Variants in RFX3 observed in about 807,000 individuals in gnomAD.
The protein encoded by RFX3 is transcription factor RFX3.
Under a neutral mutation model 98.6 loss-of-function variants are expected in RFX3, and 14 were observed. That is an observed-to-expected ratio of 0.14 (90% CI 0.09 to 0.22). The LOEUF is 0.22. Ranked by LOEUF, RFX3 falls within the 10% of genes least tolerant of loss-of-function variation. RFX3 has a pLI of 1.00. For synonymous variants in RFX3, 383 were observed against 328.4 expected (o/e 1.17, Z -1.80); for missense variants, 639 against 926.9 (o/e 0.69, Z 4.03).
intron 1 of RFX3, among the ~76,000 whole-genome samples, chr9:3,401,002 A>G (rs1041513676): frequency 1.3e-5 from 2 of 152,240 alleles, no homozygotes; most frequent in African/African-American, 2.4e-5. Flanking sequence ...GGGCTTCCAA[A>G]GAAAAGCTAG....
In RFX3 at chr9:3,511,641, G is replaced by A. The variant is rs561957742; in HGVS notation, c.-9+14106C>T. On this transcript the variant is annotated intron_variant, in intron 1 of 16. Coordinates refer to ENST00000617270, the MANE Select transcript of RFX3 (RefSeq NM_001282116.2). The stretch of plus-strand genomic sequence containing the variant: ...CTCTTCCCTCATCAACTTACAAAAT[G>A]ACTCAACTGTTTACTCAAATATACC... Among the ~76,000 whole-genome samples the A allele has an allele frequency of 5.9e-5, 9 of 152,094 alleles. No individual in the cohort carries two copies. In the South Asian group the frequency reaches 1.9e-3, roughly 32 times the overall value.
At chr9:3,399,859 G>A (rs1841302676) in intron 1 of RFX3, among the ~76,000 whole-genome samples, 1 of 151,468 alleles carries the variant, frequency 6.6e-6, no homozygotes, top group Admixed American at 6.6e-5. Flanking sequence ...TGCAGCAGGA[G>A]AGTCACTTGA....
intron 3 of RFX3, among the ~76,000 whole-genome samples, chr9:3,343,562 C>T (rs1007661298): frequency 3.9e-5 from 6 of 151,944 alleles, no homozygotes; most frequent in Admixed American, 1.3e-4. Context: ...ACAGAAAGAC[C>T]AAAATAGCTT....
chr9:3,350,683 G>A (rs1400756828), intron 2 of RFX3, among the ~76,000 whole-genome samples: 3 of 152,048 alleles, frequency 2.0e-5, no homozygotes, highest in African/African-American at 2.4e-5. Flanking sequence ...GAAGGTGGAC[G>A]GAAGAATAAA....
Position 3,218,593 on chromosome 9 carries a change from C to T in RFX3, c.*6449G>A, listed in dbSNP as rs1384655452. On this transcript the variant is annotated 3_prime_UTR_variant, in exon 17 of 17. Coordinates refer to ENST00000617270, the MANE Select transcript of RFX3 (RefSeq NM_001282116.2). ...ATATACTAAAAGATTTAGCATTTCTCACAAAAATCACATCAGGAAATACGT... is the reference window on the plus strand; with the variant it reads ...ATATACTAAAAGATTTAGCATTTCTTACAAAAATCACATCAGGAAATACGT... The T allele has an allele frequency of 6.6e-6, 1 of 152,058 alleles. No individual in the cohort carries two copies. Among genetic ancestry groups the T allele is most frequent in the African/African-American group, 2.4e-5 (1 of 41,394 alleles). 9.4% of individuals were successfully genotyped at this position (152,058 alleles called of 1,614,324 possible).
chr9:3,412,920 C>T (rs1234651119), intron 1 of RFX3, among the ~76,000 whole-genome samples: 1 of 152,038 alleles, frequency 6.6e-6, no homozygotes, highest in Non-Finnish European at 1.5e-5. Flanking sequence ...GAATAAAAAT[C>T]AATAACTATA....
chr9:3,330,170 T>C (rs916296742), intron 4 of RFX3, 89 bp downstream of exon 4: 36 of 1,330,048 alleles, frequency 2.7e-5, no homozygotes, highest in Non-Finnish European at 3.7e-5. Flanking sequence ...CCCAGTCCCA[T>C]CTGTGTTGTT....
intron 1 of RFX3, among the ~76,000 whole-genome samples, chr9:3,473,971 C>T (rs975044556): frequency 2.6e-5 from 4 of 151,910 alleles, no homozygotes; most frequent in African/African-American, 9.7e-5. Flanking sequence ...AGCATGGAAG[C>T]CAAGCATAGA....
At chr9:3,353,829 G>A (rs1324583207) in intron 2 of RFX3, among the ~76,000 whole-genome samples, 1 of 152,010 alleles carries the variant, frequency 6.6e-6, no homozygotes, top group African/African-American at 2.4e-5. Context: ...AGTGTGACCT[G>A]TAATCAGGAG....
chr9:3,503,626 AAAT>A (rs966744910), intron 1 of RFX3, among the ~76,000 whole-genome samples: 1 of 152,132 alleles, frequency 6.6e-6, no homozygotes, highest in African/African-American at 2.4e-5. Context: ...CTATTTGTCA[AAAT>A]AATAGAATTC....
intron 14 of RFX3, among the ~76,000 whole-genome samples, chr9:3,254,659 T>A (rs748162643): frequency 6.6e-6 from 1 of 151,964 alleles, no homozygotes; most frequent in Non-Finnish European, 1.5e-5. Flanking sequence ...TACCTCAGCC[T>A]CCCGAGTAGC....
intron 1 of RFX3, among the ~76,000 whole-genome samples, chr9:3,429,717 C>T (rs1360523827): frequency 6.6e-6 from 1 of 152,176 alleles, no homozygotes; most frequent in African/African-American, 2.4e-5. Flanking sequence ...CTCAGTGGTA[C>T]TCTGGGTAGC....
chr9:3,329,948 T>C (rs1033030597), intron 4 of RFX3, among the ~76,000 whole-genome samples: 15 of 152,210 alleles, frequency 9.9e-5, no homozygotes, highest in Admixed American at 9.2e-4. Context: ...AAGTGAGTTC[T>C]TTCTATATAA....
At chr9:3,434,371 C>T (rs982744415) in intron 1 of RFX3, among the ~76,000 whole-genome samples, 3 of 152,028 alleles carry the variant, frequency 2.0e-5, no homozygotes, top group African/African-American at 4.8e-5. Flanking sequence ...TCACCTTATT[C>T]GCATGTAAGC....
chr9:3,488,369 G>A (rs1263931603), intron 1 of RFX3, among the ~76,000 whole-genome samples: 1 of 152,022 alleles, frequency 6.6e-6, no homozygotes, highest in Non-Finnish European at 1.5e-5. Context: ...CTATGGAAAC[G>A]CTTTTCTGCA....
intron 13 of RFX3, among the ~76,000 whole-genome samples, chr9:3,261,540 T>C (rs1822891618): frequency 6.6e-6 from 1 of 152,164 alleles, no homozygotes; most frequent in African/African-American, 2.4e-5. Context: ...GTTTATCTAT[T>C]AATCAGTTGA....
chr9:3,244,881 T>C (rs1358008721), intron 15 of RFX3, among the ~76,000 whole-genome samples: 2 of 152,226 alleles, frequency 1.3e-5, no homozygotes, highest in East Asian at 3.8e-4. Context: ...TCCATTTTTT[T>C]CATCATTATA....
intron 1 of RFX3, among the ~76,000 whole-genome samples, chr9:3,507,783 C>G (rs895026484): frequency 1.6e-4 from 24 of 151,858 alleles, no homozygotes; most frequent in African/African-American, 5.6e-4. Flanking sequence ...ACTGTATTTA[C>G]TTTTTTTATT....
At chr9:3,369,920 T>C (rs909841044) in intron 2 of RFX3, among the ~76,000 whole-genome samples, 27 of 151,602 alleles carry the variant, frequency 1.8e-4, no homozygotes, top group Admixed American at 3.3e-4. Flanking sequence ...AGCTCCGCCC[T>C]CGGGTTCCCG....
Sources: gnomAD v4.1 joint callset for allele counts (sites outside exome capture counted in the v4.1 genomes callset) on GRCh38, gnomAD v4.1.1 for gene constraint, MANE v1.5 for transcripts, NCBI Gene and HGNC (gene_info 2026-07-23, HGNC 2026-07-21) for gene names.